STARD9: variants seen among roughly 807,000 people sequenced by gnomAD.
The protein encoded by STARD9 is StAR related lipid transfer domain containing 9, also known as stAR-related lipid transfer protein 9.
A neutral mutation model predicts 399.8 loss-of-function variants in STARD9; 346 were observed. The ratio of observed to expected loss-of-function variants is 0.87; its 90% CI spans 0.79 to 0.95. The LOEUF is 0.95. Among genes scored for constraint, STARD9 ranks in the 40% least tolerant of loss-of-function variants. STARD9 has a pLI of 0.00. For missense variants in STARD9, 5,832 were observed against 5,667.5 expected (o/e 1.03, Z -0.93); for synonymous variants, 2,203 against 2,143.5 (o/e 1.03, Z -0.77).
chr15:42,670,657 C>T (rs990640154), intron 16 of STARD9: 1 of 152,158 alleles, frequency 6.6e-6, no homozygotes, highest in East Asian at 1.9e-4. Flanking sequence ...TGGACTCCTT[C>T]TTAGTGCTGC....
chr15:42,700,688 T>C (rs576461171), intron 26 of STARD9, among the ~76,000 whole-genome samples: 88 of 152,340 alleles, frequency 5.8e-4, no homozygotes, highest in Middle Eastern at 3.4e-3. Flanking sequence ...CTTTGTCATA[T>C]GCATAGTTTG....
At position 42,652,507 on chromosome 15, in the gene STARD9, C is replaced by G. The variant is rs1428808548; in HGVS notation, c.630-13C>G. 2.6e-6 allele frequency: 4 copies of G among 1,536,716 alleles called. No homozygotes were observed. The South Asian group carries it at 4.8e-5, about 18-fold the overall frequency. On this transcript the variant is annotated splice_polypyrimidine_tract_variant and intron_variant, in intron 8 of 32. Transcript: ENST00000290607. ...ACAATCCTCGTCCTAACAGTTTTTC[C>G]TTGTATACACAGAATCACAGCAGCC...
intron 26 of STARD9, among the ~76,000 whole-genome samples, chr15:42,704,216 T>G (rs2061027653): frequency 6.6e-6 from 1 of 152,208 alleles, no homozygotes; most frequent in African/African-American, 2.4e-5. Flanking sequence ...TGGCCAAGAT[T>G]ATTTTAATCT....
In STARD9 at chr15:42,659,777, A is replaced by G. The variant is rs1431660115; in HGVS notation, c.703-1381A>G. ...CTGACCTCATGATCCACCTGCCTCCACCTCCCAAAGTGCTGGGATTACAGG... is the reference window on the plus strand; with the variant it reads ...CTGACCTCATGATCCACCTGCCTCCGCCTCCCAAAGTGCTGGGATTACAGG... On this transcript the variant is annotated intron_variant, in intron 9 of 32. Transcript: ENST00000290607. 2.6e-5 allele frequency among the ~76,000 whole-genome samples: 4 copies of G among 152,028 alleles called. No individual in the cohort carries two copies. In the South Asian group the frequency reaches 6.2e-4, roughly 24 times the overall value.
At chr15:42,609,891 C>T (rs55780511) in intron 3 of STARD9, among the ~76,000 whole-genome samples, 3 of 151,776 alleles carry the variant, frequency 2.0e-5, no homozygotes, top group African/African-American at 7.3e-5. Context: ...TCAGGAGTTC[C>T]AGACCAGCCT....
chr15:42,640,566 G>A (rs1307438525), intron 7 of STARD9, among the ~76,000 whole-genome samples: 1 of 151,958 alleles, frequency 6.6e-6, no homozygotes, highest in African/African-American at 2.4e-5. Context: ...TCACGCCTGT[G>A]ATCCCAGCTC....
chr15:42,666,845 C>T (rs1032863288), intron 15 of STARD9, among the ~76,000 whole-genome samples: 2 of 152,092 alleles, frequency 1.3e-5, no homozygotes, highest in East Asian at 3.8e-4. Context: ...GAGGGAGTCT[C>T]ACTCTGTCAC....
chr15:42,687,021 G>T lies in STARD9; in HGVS notation c.5443G>T (p.Val1815Phe). 2 of 1,536,556 alleles carry T rather than the reference G, an allele frequency of 1.3e-6. No homozygotes were observed. The highest frequency in any genetic ancestry group is 1.7e-6 in the Non-Finnish European group (2 of 1,146,410). ...QNSKIASSQQVTAEIPVDLNT... is the reference protein window; with the variant it reads ...QNSKIASSQQFTAEIPVDLNT... Reference sequence around the variant, plus strand: ...TTCTAAGATTGCCTCATCTCAGCAGGTCACAGCTGAGATACCAGTTGATCT... The same window carrying T: ...TTCTAAGATTGCCTCATCTCAGCAGTTCACAGCTGAGATACCAGTTGATCT... The change falls in exon 23 of 33, where the codon GTC becomes TTC. Residue 1815 changes from valine (V) to phenylalanine (F), a missense_variant. Physicochemically the swap from Val to Phe is conservative, Grantham distance 50 (BLOSUM62 -1). Coordinates refer to ENST00000290607, the MANE Select transcript of STARD9 (RefSeq NM_020759.3).
At chr15:42,597,980 GTGTGTGTTTGTATATATATA>G (rs1358509937) in intron 3 of STARD9, among the ~76,000 whole-genome samples, 6 of 139,106 alleles carry the variant, frequency 4.3e-5, no homozygotes, top group African/African-American at 1.7e-4. Context: ...CTGTGTGTGT[GTGTGTGTTTGTATATATATA>G]TGTGTGTGTG....
Position 42,695,875 on chromosome 15 carries a change from A to T in STARD9, c.13279A>T (p.Asn4427Tyr), listed in dbSNP as rs2060835564. The T allele has an allele frequency of 6.5e-7, 1 of 1,536,862 alleles. No individual in the cohort carries two copies. Among genetic ancestry groups the T allele is most frequent in the Non-Finnish European group, 8.7e-7 (1 of 1,146,766 alleles). Reference sequence around the variant, plus strand: ...GTCAGGCCAGCTCCAGTTCCCAGAGAATATGGTGAGTAGGCAGATGTTGGG... The same window carrying T: ...GTCAGGCCAGCTCCAGTTCCCAGAGTATATGGTGAGTAGGCAGATGTTGGG... ...ALSGQLQFPE[N>Y]MGHTNLPDSR... The change falls in exon 26 of 33, where the codon AAT (asparagine) becomes TAT (tyrosine). Residue 4427 changes from asparagine (N) to tyrosine (Y), a missense_variant. This residue lies in a region of STARD9 where 5,828 missense variants were observed against 5,651.1 expected (regional missense o/e 1.03). Transcript: ENST00000290607.
At chr15:42,618,721 C>T (rs1242323267) in intron 3 of STARD9, among the ~76,000 whole-genome samples, 5 of 151,850 alleles carry the variant, frequency 3.3e-5, no homozygotes, top group African/African-American at 1.2e-4. Context: ...CGCAGCCTCC[C>T]GAGTAGCTGG....
In STARD9 at chr15:42,690,784, C is replaced by A. The variant is rs1221109691; in HGVS notation, c.9206C>A (p.Ser3069Tyr). The change falls in exon 23 of 33, where the codon TCC (serine) becomes TAC (tyrosine). Residue 3069 changes from serine (S) to tyrosine (Y), a missense_variant. Ser to Tyr is a moderately radical substitution (Grantham distance 144). Transcript: ENST00000290607. Reference protein sequence around the residue: ...SPSAPDVRTGSFSHSATDGSV... With the variant: ...SPSAPDVRTGYFSHSATDGSV... ...TCTGCTCCTGACGTGAGGACAGGTT[C>A]CTTCAGCCACTCAGCTACTGATGGA... 4 of 1,537,258 alleles carry A rather than the reference C, an allele frequency of 2.6e-6. No individual in the cohort carries two copies. The East Asian group carries it at 9.8e-5, about 38-fold the overall frequency.
At chr15:42,709,057 T>C (rs1466037826) in intron 26 of STARD9, among the ~76,000 whole-genome samples, 1 of 152,072 alleles carries the variant, frequency 6.6e-6, no homozygotes, top group Non-Finnish European at 1.5e-5. Context: ...GTTAAGGTGG[T>C]GGTTGGGGGT....
intron 21 of STARD9, 75 bp downstream of exon 21, chr15:42,681,687 TTC>T (rs1431381815): frequency 7.6e-6 from 10 of 1,307,326 alleles, no homozygotes; most frequent in Non-Finnish European, 1.0e-5. Context: ...GCCTTCTGTA[TTC>T]TCTCTTTTGT....
Position 42,629,494 on chromosome 15 carries a change from A to C in STARD9, c.235-5362A>C, listed in dbSNP as rs2059287959. Among the ~76,000 whole-genome samples, 3 of 152,176 alleles carry C rather than the reference A, an allele frequency of 2.0e-5. No homozygotes were observed. The South Asian group carries it at 6.2e-4, about 31-fold the overall frequency. On this transcript the variant is annotated intron_variant, in intron 3 of 32. Transcript: ENST00000290607. Reference sequence around the variant, plus strand: ...ATTTTGTATCTTGCAAGTTTACTGAATTTGTTTATGAGTTCTAACAGGTTT... The same window carrying C: ...ATTTTGTATCTTGCAAGTTTACTGACTTTGTTTATGAGTTCTAACAGGTTT...
At chr15:42,621,299 AT>A (rs1401760037) in intron 3 of STARD9, among the ~76,000 whole-genome samples, 1 of 152,160 alleles carries the variant, frequency 6.6e-6, no homozygotes, top group Non-Finnish European at 1.5e-5. Flanking sequence ...CAAATTATTT[AT>A]ATCTGTGATC....
chr15:42,684,602 T>A lies in STARD9; in HGVS notation c.3024T>A (p.Asn1008Lys). The A allele has an allele frequency of 6.5e-7, 1 of 1,537,190 alleles. No homozygotes were observed. The change falls in exon 23 of 33, where the codon AAT becomes AAA. Residue 1008 changes from asparagine (N) to lysine (K), a missense_variant. Coordinates refer to ENST00000290607, the MANE Select transcript of STARD9 (RefSeq NM_020759.3). ...THKAAKGASC[N>K]SLYPHGPRQT... Reference sequence around the variant, plus strand: ...AGGCTGCTAAGGGAGCCAGTTGCAATTCCTTGTATCCTCATGGACCCAGGC... The same window carrying A: ...AGGCTGCTAAGGGAGCCAGTTGCAAATCCTTGTATCCTCATGGACCCAGGC...
In STARD9 at chr15:42,651,051, G is replaced by A; in HGVS notation, c.595G>A (p.Val199Ile). Residue 199 changes from valine to isoleucine, a missense_variant, in exon 8 of 33, where the codon GTA becomes ATA. Val to Ile is a conservative substitution (Grantham distance 29). Transcript: ENST00000290607. ...SQHVVTNYKQ[V>I]IQLLEEGIAN... is the part of the protein sequence containing the mutation. ...ACATGTAGTTACCAATTATAAGCAAGTAATCCAACTCTTGGAGGAGGGAAT... is the reference window on the plus strand; with the variant it reads ...ACATGTAGTTACCAATTATAAGCAAATAATCCAACTCTTGGAGGAGGGAAT... 2 of 1,535,176 alleles carry A rather than the reference G, an allele frequency of 1.3e-6. No individual in the cohort carries two copies. Among genetic ancestry groups the A allele is most frequent in the Non-Finnish European group, 8.7e-7 (1 of 1,145,608 alleles).
At chr15:42,635,015 C>G (rs2059393481) in intron 4 of STARD9, 43 bp downstream of exon 4, 1 of 1,131,124 alleles carries the variant, frequency 8.8e-7, no homozygotes, top group Non-Finnish European at 1.3e-6. Flanking sequence ...CACAGCAAGC[C>G]TGAACCTTGC....
Sources: gnomAD v4.1 joint callset for allele counts (sites outside exome capture counted in the v4.1 genomes callset) on GRCh38, gnomAD v4.1.1 for gene constraint, gnomAD v4.1.1 regional missense constraint, MANE v1.5 for transcripts, NCBI Gene and HGNC (gene_info 2026-07-23, HGNC 2026-07-21) for gene names.